The following RUNX2 variants were observed in gnomAD, a reference collection of about 807,000 sequenced individuals.
RUNX2 encodes runt-related transcription factor 2.
A neutral mutation model predicts 51.7 loss-of-function variants in RUNX2; 10 were observed. The observed-to-expected ratio is 0.19, with a 90% CI of 0.12 to 0.33. The LOEUF (loss-of-function observed/expected upper bound fraction) is 0.33. Among genes scored for constraint, RUNX2 ranks in the 10% least tolerant of loss-of-function variants. RUNX2 has a pLI of 1.00. For synonymous variants in RUNX2, 276 were observed against 273.6 expected, an observed-to-expected ratio of 1.01 and a Z score of -0.09; for missense variants, 562 against 691.3, an observed-to-expected ratio of 0.81 and a Z score of 2.10.
At chr6:45,437,841 G>T (rs1267002383) in intron 4 of RUNX2, 106 bp from the exon 5 acceptor site, 1 of 828,280 alleles carries the variant, frequency 1.2e-6, no homozygotes, top group Non-Finnish European at 2.1e-6. Flanking sequence ...TTGTTTCATT[G>T]CCTCCTTAGA....
chr6:45,544,869 C>T (rs756247019), intron 7 of RUNX2, among the ~76,000 whole-genome samples: 4 of 152,180 alleles, frequency 2.6e-5, no homozygotes, highest in Non-Finnish European at 2.9e-5. Flanking sequence ...CTGTCATAAT[C>T]GCTGTTTCCA....
intron 2 of RUNX2, among the ~76,000 whole-genome samples, chr6:45,399,615 C>T (rs1322343208): frequency 6.6e-6 from 1 of 151,948 alleles, no homozygotes; most frequent in Non-Finnish European, 1.5e-5. Flanking sequence ...ACCTTGGCCT[C>T]CCAAAGTGCT....
At chr6:45,488,852 C>T (rs1464559068) in intron 5 of RUNX2, among the ~76,000 whole-genome samples, 4 of 152,160 alleles carry the variant, frequency 2.6e-5, no homozygotes, top group East Asian at 1.9e-4. Flanking sequence ...GAGGTTTAGT[C>T]CTCACTGCAC....
chr6:45,498,557 A>G (rs1185493859), intron 6 of RUNX2, among the ~76,000 whole-genome samples: 1 of 152,248 alleles, frequency 6.6e-6, no homozygotes, highest in African/African-American at 2.4e-5. Flanking sequence ...AAAATTCAAT[A>G]TAATCATTTA....
At chr6:45,490,999 A>G (rs374710754) in intron 5 of RUNX2, among the ~76,000 whole-genome samples, 35 of 152,294 alleles carry the variant, frequency 2.3e-4, no homozygotes, top group African/African-American at 7.9e-4. Flanking sequence ...TTTCTGTTAT[A>G]CTTGCACCAA....
chr6:45,526,195 C>T (rs1180249601), intron 7 of RUNX2, among the ~76,000 whole-genome samples: 1 of 152,162 alleles, frequency 6.6e-6, no homozygotes, highest in East Asian at 1.9e-4. Context: ...GATCTTGATA[C>T]CTGACCACAG....
intron 2 of RUNX2, among the ~76,000 whole-genome samples, chr6:45,367,806 GTT>G (rs904741644): frequency 1.3e-5 from 2 of 152,078 alleles, no homozygotes; most frequent in Non-Finnish European, 2.9e-5. Context: ...ACCAAACCTA[GTT>G]TATTATAACC....
chr6:45,517,362 G>T (rs1305582883), intron 7 of RUNX2, among the ~76,000 whole-genome samples: 1 of 152,030 alleles, frequency 6.6e-6, no homozygotes, highest in African/African-American at 2.4e-5. Flanking sequence ...TTTTCATAGG[G>T]ACAGGATCTC....
At chr6:45,398,335 G>C (rs556583801) in intron 2 of RUNX2, among the ~76,000 whole-genome samples, 2 of 152,146 alleles carry the variant, frequency 1.3e-5, no homozygotes, top group African/African-American at 2.4e-5. Context: ...TATTATCATT[G>C]AAGTTGTTAA....
chr6:45,463,582 G>A (rs1247990669), intron 5 of RUNX2, among the ~76,000 whole-genome samples: 1 of 152,086 alleles, frequency 6.6e-6, no homozygotes, highest in Admixed American at 6.5e-5. Flanking sequence ...GTATGATAAT[G>A]TAAAGCAAAG....
At chr6:45,342,960 C>A (rs570279805) in intron 2 of RUNX2, among the ~76,000 whole-genome samples, 24 of 152,198 alleles carry the variant, frequency 1.6e-4, no homozygotes, top group Non-Finnish European at 3.4e-4. Context: ...CCAGTTATAG[C>A]GCCTAGTACA....
At chr6:45,487,196 G>T (rs765196934) in intron 5 of RUNX2, among the ~76,000 whole-genome samples, 4 of 152,104 alleles carry the variant, frequency 2.6e-5, no homozygotes, top group Non-Finnish European at 2.9e-5. Context: ...TTTTGATCAT[G>T]ATTTCCCCTG....
rs115409335 is a variant in RUNX2 at position 45,360,829 on chromosome 6, C to T, written c.58+32045C>T. Among the ~76,000 whole-genome samples the T allele has an allele frequency of 2.3e-3, 353 of 152,308 alleles. 1 individual carries two copies. The highest frequency in any genetic ancestry group is 7.7e-3 in the African/African-American group (322 of 41,576). On this transcript the variant is annotated intron_variant, in intron 2 of 8. Transcript: ENST00000647337. The stretch of plus-strand genomic sequence containing the variant: ...GAACTACAGACCTAAACGTAGGTAG[C>T]TTATCCTCAGAAGAGTTCCTCATTC...
At chr6:45,536,431 A>C (rs1176833558) in intron 7 of RUNX2, among the ~76,000 whole-genome samples, 4 of 152,186 alleles carry the variant, frequency 2.6e-5, no homozygotes, top group Non-Finnish European at 5.9e-5. Flanking sequence ...ACTGAACAGC[A>C]CTTGGTAATC....
chr6:45,405,999 A>T (rs984181635), intron 2 of RUNX2, among the ~76,000 whole-genome samples: 3 of 152,256 alleles, frequency 2.0e-5, no homozygotes, highest in African/African-American at 7.2e-5. Context: ...ATAAGAGTTT[A>T]TATATGTAAA....
rs1259004422 is a variant in RUNX2, at chr6:45,448,090, G to T, written c.685+10039G>T. ...GATGGTGGAAGGGAAATGTTTCTAA[G>T]CTCCTGTCACTCTGGAGAACTCTGG... is the stretch of plus-strand genomic sequence containing the variant. On this transcript the variant is annotated intron_variant, in intron 5 of 8. Transcript: ENST00000647337. 2.0e-5 allele frequency among the ~76,000 whole-genome samples: 3 copies of T among 152,214 alleles called. No homozygotes were observed. The East Asian group carries it at 5.8e-4, about 29-fold the overall frequency.
rs542039872 is a variant in RUNX2, at chr6:45,366,780, C to A, written c.58+37996C>A. ...TCACTACCTTTGACTCCTTCTCCTGCACCCTACAATTTGTAAGAAGTCAAG... is the reference window on the plus strand; with the variant it reads ...TCACTACCTTTGACTCCTTCTCCTGAACCCTACAATTTGTAAGAAGTCAAG... On this transcript the variant is annotated intron_variant, in intron 2 of 8. Transcript: ENST00000647337. 6.2e-4 allele frequency among the ~76,000 whole-genome samples: 95 copies of A among 152,270 alleles called. 1 individual carries two copies. The highest frequency in any genetic ancestry group is 7.5e-4 in the Non-Finnish European group (51 of 68,012).
chr6:45,530,416 C>G (rs987080854), intron 7 of RUNX2, among the ~76,000 whole-genome samples: 3 of 152,140 alleles, frequency 2.0e-5, no homozygotes, highest in Non-Finnish European at 4.4e-5. Flanking sequence ...GTGTAACAAG[C>G]AGGTTAACAC....
chr6:45,442,698 A>G (rs1159036081), intron 5 of RUNX2, among the ~76,000 whole-genome samples: 1 of 152,090 alleles, frequency 6.6e-6, no homozygotes, highest in African/African-American at 2.4e-5. Flanking sequence ...CCAGTTTATT[A>G]TTTCTTATGA....
Sources: gnomAD v4.1 joint callset for allele counts (sites outside exome capture counted in the v4.1 genomes callset) on GRCh38, gnomAD v4.1.1 for gene constraint, MANE v1.5 for transcripts, NCBI Gene and HGNC (gene_info 2026-07-23, HGNC 2026-07-21) for gene names.